The following CTNND2 variants were observed in gnomAD, a reference collection of about 807,000 sequenced individuals.
The protein encoded by CTNND2 is catenin delta 2, also known as catenin delta-2.
CTNND2 carries 22 observed loss-of-function variants against 144.4 expected under a neutral mutation model. That is an observed-to-expected ratio of 0.15 (90% CI 0.11 to 0.22). The LOEUF is 0.22. Among genes scored for constraint, CTNND2 ranks in the 10% least tolerant of loss-of-function variants. The pLI is 1.00. For missense variants in CTNND2, 1,353 were observed against 1,618.8 expected, an observed-to-expected ratio of 0.84 and a Z score of 2.82; for synonymous variants, 751 against 695.6, an observed-to-expected ratio of 1.08 and a Z score of -1.25.
At chr5:11,841,128 C>G (rs1448904906) in intron 1 of CTNND2, among the ~76,000 whole-genome samples, 1 of 152,086 alleles carries the variant, frequency 6.6e-6, no homozygotes, top group East Asian at 1.9e-4. Context: ...CATTTGAACT[C>G]CTTAAAATAA....
chr5:11,648,308 C>T (rs760924146), intron 2 of CTNND2, among the ~76,000 whole-genome samples: 3 of 151,836 alleles, frequency 2.0e-5, no homozygotes, highest in Non-Finnish European at 4.4e-5. Flanking sequence ...ACCTAGGCTA[C>T]TTGGTCCTGC....
intron 2 of CTNND2, among the ~76,000 whole-genome samples, chr5:11,578,640 G>A (rs924344247): frequency 8.6e-5 from 13 of 151,730 alleles, no homozygotes; most frequent in South Asian, 4.2e-4. Context: ...CAGCCTGGGC[G>A]ACAGAGCGAG....
chr5:11,020,022 T>C (rs1405945876), intron 17 of CTNND2, among the ~76,000 whole-genome samples: 5 of 152,198 alleles, frequency 3.3e-5, no homozygotes, highest in Admixed American at 2.6e-4. Flanking sequence ...TGGAGTTTGA[T>C]CTTCACTAGA....
In CTNND2 at chr5:11,307,870, T is replaced by C. The variant is rs80227557; in HGVS notation, c.1628+38502A>G. On this transcript the variant is annotated intron_variant, in intron 9 of 21. Transcript: ENST00000304623. Reference sequence around the variant, plus strand: ...GTTGAAATCCTAATTCCTAAGGGGATGGTGTGAGAAGATGAGGACTTTGGG... The same window carrying C: ...GTTGAAATCCTAATTCCTAAGGGGACGGTGTGAGAAGATGAGGACTTTGGG... Among the ~76,000 whole-genome samples, 206 of 152,262 alleles carry C rather than the reference T, an allele frequency of 1.4e-3. 7 individuals carry two copies. The East Asian group carries it at 0.038, about 28-fold the overall frequency.
intron 2 of CTNND2, among the ~76,000 whole-genome samples, chr5:11,647,068 C>T (rs774588244): frequency 1.2e-4 from 18 of 152,216 alleles, no homozygotes; most frequent in Admixed American, 5.2e-4. Context: ...AATTCTTGCA[C>T]CTGCAGAGTA....
chr5:11,805,648 CAT>C (rs1034014133), intron 1 of CTNND2, among the ~76,000 whole-genome samples: 2 of 152,014 alleles, frequency 1.3e-5, no homozygotes, highest in East Asian at 3.9e-4. Context: ...TGGATCATAA[CAT>C]AAAGTATAAA....
At chr5:11,497,512 G>A (rs566157612) in intron 3 of CTNND2, among the ~76,000 whole-genome samples, 3 of 84,304 alleles carry the variant, frequency 3.6e-5, no homozygotes, top group East Asian at 6.4e-4. Flanking sequence ...AATGATGTGC[G>A]GGGGGGTGGG....
At chr5:11,474,635 C>T (rs1767547265) in intron 3 of CTNND2, among the ~76,000 whole-genome samples, 1 of 152,188 alleles carries the variant, frequency 6.6e-6, no homozygotes, top group East Asian at 1.9e-4. Context: ...GGGATAGCAA[C>T]AGCCATGGTT....
At chr5:11,406,175 C>T (rs1465310240) in intron 5 of CTNND2, among the ~76,000 whole-genome samples, 4 of 151,998 alleles carry the variant, frequency 2.6e-5, no homozygotes, top group Admixed American at 1.3e-4. Context: ...CAAAACTGGA[C>T]CAAAGAGCAT....
intron 9 of CTNND2, among the ~76,000 whole-genome samples, chr5:11,267,979 T>C (rs909821747): frequency 6.6e-6 from 1 of 152,198 alleles, no homozygotes; most frequent in African/African-American, 2.4e-5. Context: ...AGGAGGCAGA[T>C]GGAACAAACC....
At chr5:11,362,301 A>G (rs1176353321) in intron 8 of CTNND2, among the ~76,000 whole-genome samples, 3 of 152,222 alleles carry the variant, frequency 2.0e-5, no homozygotes, top group African/African-American at 7.2e-5. Flanking sequence ...GAATTTAATA[A>G]TATTATATAT....
chr5:11,095,783 A>G (rs1227991740), intron 15 of CTNND2, among the ~76,000 whole-genome samples: 1 of 152,140 alleles, frequency 6.6e-6, no homozygotes, highest in Non-Finnish European at 1.5e-5. Flanking sequence ...GTCCGCTTTT[A>G]GGATTTTTTT....
intron 7 of CTNND2, among the ~76,000 whole-genome samples, chr5:11,373,366 C>T (rs939641704): frequency 3.3e-5 from 5 of 152,184 alleles, no homozygotes; most frequent in Non-Finnish European, 7.4e-5. Context: ...GGACCCACCA[C>T]CATGTCTGGG....
At chr5:11,869,859 G>A (rs1427581361) in intron 1 of CTNND2, among the ~76,000 whole-genome samples, 2 of 152,076 alleles carry the variant, frequency 1.3e-5, no homozygotes, top group East Asian at 1.9e-4. Flanking sequence ...CCAGAAGGGG[G>A]TCACTAAGGT....
chr5:11,288,958 C>T (rs927759956), intron 9 of CTNND2, among the ~76,000 whole-genome samples: 2 of 152,066 alleles, frequency 1.3e-5, no homozygotes, highest in African/African-American at 4.8e-5. Flanking sequence ...ATGTGGAAAC[C>T]CCGGCAGAGC....
At chr5:11,694,080 A>G (rs1342156844) in intron 2 of CTNND2, among the ~76,000 whole-genome samples, 1 of 152,208 alleles carries the variant, frequency 6.6e-6, no homozygotes, top group Non-Finnish European at 1.5e-5. Flanking sequence ...ACTTATAAAC[A>G]TTAGATAACA....
At chr5:11,420,099 C>T (rs117697440) in intron 3 of CTNND2, among the ~76,000 whole-genome samples, 1,756 of 152,074 alleles carry the variant, frequency 0.012, 74 homozygotes, top group East Asian at 0.11. Flanking sequence ...CCGAGGCGGG[C>T]GATCACAAGA....
At chr5:11,619,123 T>C (rs1481848065) in intron 2 of CTNND2, among the ~76,000 whole-genome samples, 1 of 152,154 alleles carries the variant, frequency 6.6e-6, no homozygotes, top group Non-Finnish European at 1.5e-5. Context: ...AAAATTATTC[T>C]CAGGCCAGGC....
chr5:11,102,412 A>T (rs1304611532), intron 14 of CTNND2, among the ~76,000 whole-genome samples: 1 of 152,194 alleles, frequency 6.6e-6, no homozygotes, highest in East Asian at 1.9e-4. Flanking sequence ...CTATAACCAG[A>T]GTGTTTGAAA....
Sources: gnomAD v4.1 joint callset for allele counts (sites outside exome capture counted in the v4.1 genomes callset) on GRCh38, gnomAD v4.1.1 for gene constraint, MANE v1.5 for transcripts, NCBI Gene and HGNC (gene_info 2026-07-23, HGNC 2026-07-21) for gene names.